The following CSMD1 variants were observed in gnomAD, a reference collection of about 807,000 sequenced individuals.
The protein encoded by CSMD1 is CUB and sushi domain-containing protein 1.
CSMD1 carries 213 observed loss-of-function variants against 417.5 expected under a neutral mutation model. That is an observed-to-expected ratio of 0.51 (90% CI 0.46 to 0.57). The LOEUF is 0.57. Among genes scored for constraint, CSMD1 ranks in the 20% least tolerant of loss-of-function variants. The pLI is 0.00. For missense variants in CSMD1, 6,923 were observed against 4,529.7 expected (o/e 1.53, Z -15.17); for synonymous variants, 2,862 against 1,736.8 (o/e 1.65, Z -16.11).
rs377255114 is a variant in CSMD1, at chr8:3,230,033, C to G, written c.4345+7G>C. 1.9e-6 allele frequency: 3 copies of G among 1,567,748 alleles called. No individual in the cohort carries two copies. Among genetic ancestry groups the G allele is most frequent in the African/African-American group, 2.7e-5 (2 of 73,582 alleles). On this transcript the variant is annotated splice_region_variant and intron_variant, in intron 27 of 69. Coordinates refer to ENST00000635120, the MANE Select transcript of CSMD1 (RefSeq NM_033225.6). Reference sequence around the variant, plus strand: ...ATATAAAATTTCTAAGTTCTGTTGTCTGATACCTATGCATGTAGGAGGGTC... The same window carrying G: ...ATATAAAATTTCTAAGTTCTGTTGTGTGATACCTATGCATGTAGGAGGGTC...
At chr8:2,943,250 CAG>C (rs942185094) in intron 68 of CSMD1, among the ~76,000 whole-genome samples, 2 of 147,322 alleles carry the variant, frequency 1.4e-5, no homozygotes, top group African/African-American at 5.1e-5. Flanking sequence ...TTTTCTGAGA[CAG>C]AGTCTCACCC....
intron 6 of CSMD1, among the ~76,000 whole-genome samples, chr8:3,752,676 CAAAAAAAAAAAAAAAA>C (rs200769696): frequency 7.6e-4 from 74 of 96,966 alleles, no homozygotes; most frequent in Admixed American, 1.3e-3. Context: ...CCCCGCCTGG[CAAAAAAAAAAAAAAAA>C]AAAAAAAAAA....
At chr8:4,114,387 A>T (rs1802021931) in intron 3 of CSMD1, among the ~76,000 whole-genome samples, 1 of 152,214 alleles carries the variant, frequency 6.6e-6, no homozygotes, top group South Asian at 2.1e-4. Context: ...ACTGCTAGGA[A>T]AAAAAGATTC....
At chr8:3,189,586 A>G (rs372208040) in intron 34 of CSMD1, among the ~76,000 whole-genome samples, 33 of 152,236 alleles carry the variant, frequency 2.2e-4, no homozygotes, top group African/African-American at 7.7e-4. Context: ...AGGACGTTAC[A>G]CAAGTAATAT....
At chr8:4,121,837 A>C (rs867679794) in intron 3 of CSMD1, among the ~76,000 whole-genome samples, 8 of 152,050 alleles carry the variant, frequency 5.3e-5, no homozygotes, top group Non-Finnish European at 1.2e-4. Flanking sequence ...GGGGGGGACA[A>C]AAAAAGCATT....
intron 3 of CSMD1, among the ~76,000 whole-genome samples, chr8:4,300,260 G>A (rs9314521): frequency 0.085 from 12,985 of 152,246 alleles, 582 homozygotes; most frequent in African/African-American, 0.1. Flanking sequence ...AGAGCTTTCT[G>A]CATCTAACAT....
At chr8:3,299,410 C>G (rs113830349) in intron 25 of CSMD1, among the ~76,000 whole-genome samples, 2,541 of 152,220 alleles carry the variant, frequency 0.017, 69 homozygotes, top group African/African-American at 0.057. Flanking sequence ...CAAGATCACG[C>G]TATTGCACTC....
chr8:3,254,484 C>G (rs141765916), intron 26 of CSMD1, among the ~76,000 whole-genome samples: 2 of 152,226 alleles, frequency 1.3e-5, no homozygotes, highest in African/African-American at 4.8e-5. Flanking sequence ...CAACTTGGTT[C>G]CATTCTCCCT....
At chr8:3,314,297 C>A (rs1805585451) in intron 23 of CSMD1, among the ~76,000 whole-genome samples, 1 of 152,008 alleles carries the variant, frequency 6.6e-6, no homozygotes, top group South Asian at 2.1e-4. Context: ...ATGTTTAATT[C>A]TACAAAGATA....
chr8:3,653,140 CA>C (rs1356382679), intron 7 of CSMD1, among the ~76,000 whole-genome samples: 1 of 151,762 alleles, frequency 6.6e-6, no homozygotes, highest in Non-Finnish European at 1.5e-5. Context: ...CCTATAAATT[CA>C]AATTTTTTCA....
intron 48 of CSMD1, among the ~76,000 whole-genome samples, chr8:3,090,031 C>T (rs1004340035): frequency 1.3e-5 from 2 of 152,110 alleles, no homozygotes; most frequent in African/African-American, 2.4e-5. Flanking sequence ...GTCTGACTAT[C>T]GGCCGGGCGC....
At chr8:3,559,776 A>G (rs1799390527) in intron 10 of CSMD1, among the ~76,000 whole-genome samples, 1 of 152,210 alleles carries the variant, frequency 6.6e-6, no homozygotes, top group Non-Finnish European at 1.5e-5. Flanking sequence ...TGTGGAAGAT[A>G]AATTAGAAAA....
At chr8:3,429,629 G>A (rs1231128931) in intron 12 of CSMD1, among the ~76,000 whole-genome samples, 3 of 152,150 alleles carry the variant, frequency 2.0e-5, no homozygotes, top group Non-Finnish European at 2.9e-5. Context: ...GAAAACAAGG[G>A]TTGATGTTTA....
At chr8:4,556,920 C>T (rs772316872) in intron 2 of CSMD1, among the ~76,000 whole-genome samples, 22 of 152,170 alleles carry the variant, frequency 1.4e-4, no homozygotes, top group Non-Finnish European at 2.9e-4. Flanking sequence ...ATTCTTGCCC[C>T]AGCATTTCAG....
At chr8:4,474,654 T>G (rs1208301237) in intron 2 of CSMD1, among the ~76,000 whole-genome samples, 1 of 152,110 alleles carries the variant, frequency 6.6e-6, no homozygotes, top group Non-Finnish European at 1.5e-5. Context: ...AGTAAACTCT[T>G]ACACAGTTGA....
chr8:4,647,414 G>A (rs891255822), intron 1 of CSMD1, among the ~76,000 whole-genome samples: 49 of 148,266 alleles, frequency 3.3e-4, no homozygotes, highest in Admixed American at 2.6e-3. Flanking sequence ...GTAGGTACGC[G>A]TGTGCCACGG....
intron 3 of CSMD1, among the ~76,000 whole-genome samples, chr8:4,076,920 T>C (rs1028690664): frequency 6.6e-6 from 1 of 152,156 alleles, no homozygotes; most frequent in Non-Finnish European, 1.5e-5. Flanking sequence ...AACTATAACA[T>C]GGATATCAGT....
intron 5 of CSMD1, among the ~76,000 whole-genome samples, chr8:3,981,090 G>C (rs905110090): frequency 4.6e-5 from 7 of 152,120 alleles, no homozygotes; most frequent in African/African-American, 1.4e-4. Context: ...CCAAGGACTT[G>C]CTATTTGCAT....
chr8:2,990,688 GGA>G (rs1258875915), intron 54 of CSMD1, among the ~76,000 whole-genome samples: 1 of 152,138 alleles, frequency 6.6e-6, no homozygotes, highest in Non-Finnish European at 1.5e-5. Context: ...TGCTTTCTGG[GGA>G]GAGTGAGAAC....
Sources: gnomAD v4.1 joint callset for allele counts (sites outside exome capture counted in the v4.1 genomes callset) on GRCh38, gnomAD v4.1.1 for gene constraint, MANE v1.5 for transcripts, NCBI Gene and HGNC (gene_info 2026-07-23, HGNC 2026-07-21) for gene names.